Variants in C12orf76 observed in about 807,000 individuals in gnomAD.
The protein encoded by C12orf76 is uncharacterized protein C12orf76.
C12orf76 carries 6 observed loss-of-function variants against 6.8 expected under a neutral mutation model. The ratio of observed to expected loss-of-function variants is 0.88; its 90% CI spans 0.48 to 1.73. The LOEUF (loss-of-function observed/expected upper bound fraction) is 1.73, where lower values mean the gene tolerates loss of function less well. Ranked by LOEUF, C12orf76 falls within the 40% of genes most tolerant of loss-of-function variation. The pLI is 0.01. For synonymous variants in C12orf76, 56 were observed against 43.7 expected (o/e 1.28, Z -1.11); for missense variants, 99 against 98.2 (o/e 1.01, Z -0.03).
Position 110,042,373 on chromosome 12 carries a change from G to C in C12orf76, c.*1C>G, listed in dbSNP as rs1317181761. On this transcript the variant is annotated 3_prime_UTR_variant, in exon 2 of 2. Coordinates refer to ENST00000615315, the MANE Select transcript of C12orf76 (RefSeq NM_001389625.1). ...TACTCATTGAAGAACTTGTCTGGCT[G>C]TCACCGACGCCGAATGGGCTTGTAG... 1 of 1,613,126 alleles carries C rather than the reference G, an allele frequency of 6.2e-7. No homozygotes were observed. The highest frequency in any genetic ancestry group is 2.2e-5 in the East Asian group (1 of 44,892).
chr12:110,064,717 T>C (rs1019725919), intron 2 of C12orf76, among the ~76,000 whole-genome samples: 4 of 152,136 alleles, frequency 2.6e-5, no homozygotes, highest in African/African-American at 7.2e-5. Flanking sequence ...AGCCCCACCT[T>C]GGCCTCGCCT....
intron 1 of C12orf76, among the ~76,000 whole-genome samples, chr12:110,072,857 C>T (rs1423892839): frequency 6.7e-6 from 1 of 149,938 alleles, no homozygotes; most frequent in Non-Finnish European, 1.5e-5. Context: ...TGGAGGCAGG[C>T]GAATCTCCTG....
At chr12:110,042,666 T>A in intron 1 of C12orf76, 1 of 676,044 alleles carries the variant, frequency 1.5e-6, no homozygotes. Context: ...CATAGCTTGA[T>A]ATACCGTGAA....
chr12:110,056,029 C>T (rs986720911), intron 4 of C12orf76, among the ~76,000 whole-genome samples: 3 of 150,128 alleles, frequency 2.0e-5, no homozygotes, highest in Non-Finnish European at 4.4e-5. Context: ...GCTGAGATTG[C>T]GCCATTGCAC....
chr12:110,068,246 GAAAGAAGAAGAAGAAGAAGAAGAA>G (rs1892901813), upstream of C12orf76, among the ~76,000 whole-genome samples: 1 of 99,100 alleles, frequency 1.0e-5, no homozygotes, highest in Non-Finnish European at 2.0e-5. Flanking sequence ...AGAAGAAGAA[GAAAGAAGAAGAAGAAGAAGAAGAA>G]GAAGAAGAAG....
chr12:110,048,980 T>C (rs1487220787), upstream of C12orf76: 1 of 152,594 alleles, frequency 6.6e-6, no homozygotes, highest in African/African-American at 2.4e-5. Context: ...TAATGTACAT[T>C]CTCCCTACCT....
upstream of C12orf76, among the ~76,000 whole-genome samples, chr12:110,068,324 A>AGAAGAAGAAGAAGAG (rs1566080316): frequency 1.5e-5 from 2 of 137,176 alleles, no homozygotes; most frequent in African/African-American, 2.6e-5. Context: ...AAGAAGAAGA[A>AGAAGAAGAAGAAGAG]GAAGAAGGCG....
chr12:110,048,229 C>T, intron 1 of C12orf76, 134 bp downstream of exon 1: 1 of 1,151,966 alleles, frequency 8.7e-7, no homozygotes. Flanking sequence ...CCCTGAGGGG[C>T]CTCACCTGCA....
upstream of C12orf76, among the ~76,000 whole-genome samples, chr12:110,068,303 A>AGAAGAAGAAGAAGAAGAG (rs1892911601): frequency 7.5e-5 from 11 of 145,792 alleles, no homozygotes; most frequent in African/African-American, 2.5e-4. Flanking sequence ...AAGAAGAAGA[A>AGAAGAAGAAGAAGAAGAG]GAAGAAGAAG....
At chr12:110,063,287 T>C (rs1237812460) in intron 2 of C12orf76, among the ~76,000 whole-genome samples, 1 of 151,966 alleles carries the variant, frequency 6.6e-6, no homozygotes. Context: ...TTTTTATTTA[T>C]TTTTTATTGT....
At chr12:110,062,785 AAT>A (rs1491123384) in intron 2 of C12orf76, among the ~76,000 whole-genome samples, 12 of 131,078 alleles carry the variant, frequency 9.2e-5, no homozygotes, top group Non-Finnish European at 1.4e-4. Flanking sequence ...ATGCCCAGCT[AAT>A]ATTTTTTTTT....
chr12:110,068,247 A>AAAGAAGAAGAGGAAGAAGAAGAAGAAG (rs1555253363), upstream of C12orf76, among the ~76,000 whole-genome samples: 1 of 63,778 alleles, frequency 1.6e-5, no homozygotes. Flanking sequence ...GAAGAAGAAG[A>AAAGAAGAAGAGGAAGAAGAAGAAGAAG]AAGAAGAAGA....
At chr12:110,073,570 G>A (rs1892987220) in exon 1 of C12orf76, 1 of 496,304 alleles carries the variant, frequency 2.0e-6, no homozygotes, top group East Asian at 5.5e-5. Context: ...CCTGCGCGGG[G>A]CTGGACCAGG....
chr12:110,067,625 C>T, exon 1 of C12orf76: 2 of 969,644 alleles, frequency 2.1e-6, no homozygotes, highest in Non-Finnish European at 2.5e-6. Context: ...ATCCACCCAC[C>T]TCGGCCTCTC....
upstream of C12orf76, chr12:110,049,059 T>C (rs1169059710): frequency 6.6e-6 from 1 of 152,240 alleles, no homozygotes; most frequent in Non-Finnish European, 1.5e-5. Flanking sequence ...TAACGTACAT[T>C]TGATGATTTT....
At chr12:110,051,729 A>G (rs1474348172), upstream of C12orf76, among the ~76,000 whole-genome samples, 6 of 148,064 alleles carry the variant, frequency 4.1e-5, no homozygotes, top group East Asian at 4.1e-4. Flanking sequence ...CCGGCCCCCA[A>G]TCCCATTCTT....
In C12orf76 at chr12:110,042,112, CT is replaced by C. The variant is rs1211220529; in HGVS notation, c.*261del. ...ATGAACACTCCATCTTTACACTGACCTTTGGAGCTTTCAGGTCTTACTTTTA... is the reference window on the plus strand; with the variant it reads ...ATGAACACTCCATCTTTACACTGACCTTGGAGCTTTCAGGTCTTACTTTTA... On this transcript the variant is annotated 3_prime_UTR_variant, in exon 2 of 2. Coordinates refer to ENST00000615315, the MANE Select transcript of C12orf76 (RefSeq NM_001389625.1). 1.1e-5 allele frequency: 6 copies of C among 529,360 alleles called. No individual in the cohort carries two copies. Among genetic ancestry groups the C allele is most frequent in the African/African-American group, 1.9e-5 (1 of 52,858 alleles). The allele number at this position is 529,360 out of a possible 1,614,324, so 32.8% of individuals were successfully genotyped here.
At chr12:110,063,103 C>A (rs1407301789) in intron 2 of C12orf76, among the ~76,000 whole-genome samples, 1 of 150,978 alleles carries the variant, frequency 6.6e-6, no homozygotes. Context: ...CCACGCCCAG[C>A]TAATTTTTGT....
chr12:110,065,850 C>T (rs1381316921), intron 2 of C12orf76: 3 of 1,614,194 alleles, frequency 1.9e-6, no homozygotes, highest in Admixed American at 1.7e-5. Context: ...GCTCTACCCT[C>T]CTCTCTTACC....
Sources: allele counts gnomAD v4.1 joint callset (sites outside exome capture counted in the v4.1 genomes callset), GRCh38; gene constraint gnomAD v4.1.1; transcripts MANE v1.5; gene names NCBI Gene and HGNC (gene_info 2026-07-23, HGNC 2026-07-21).